Variants in SPECC1L observed in about 807,000 individuals in gnomAD.
SPECC1L encodes sperm antigen with calponin homology and coiled-coil domains 1 like, also known as cytospin-A.
Under a neutral mutation model 116.8 loss-of-function variants are expected in SPECC1L, and 40 were observed. That is an observed-to-expected ratio of 0.34 (90% CI 0.27 to 0.45). The LOEUF is 0.45. Ranked by LOEUF, SPECC1L falls within the 20% of genes least tolerant of loss-of-function variation. The pLI, the probability that SPECC1L is intolerant of heterozygous loss-of-function variation, is 1.00. For synonymous variants in SPECC1L, 504 were observed against 500.6 expected (o/e 1.01, Z -0.09); for missense variants, 1,110 against 1,373.6 (o/e 0.81, Z 3.03).
chr22:24,280,155 A>C (rs2048914137), intron 2 of SPECC1L, among the ~76,000 whole-genome samples: 1 of 152,138 alleles, frequency 6.6e-6, no homozygotes, highest in African/African-American at 2.4e-5. Context: ...TGCTTTGAGA[A>C]ATTGGAAATG....
rs2042351346 is a variant in SPECC1L at position 24,395,559 on chromosome 22, T to TA, written c.3088-16027dup. On this transcript the variant is annotated intron_variant, in intron 14 of 16. Transcript: ENST00000314328. Reference sequence around the variant, plus strand: ...ACAGAGGAAGAAGAGCAGATTTGTTTAAGAGACATTTTCATGGATTGCAAA... The same window carrying TA: ...ACAGAGGAAGAAGAGCAGATTTGTTTAAAGAGACATTTTCATGGATTGCAAA... 3.3e-5 allele frequency among the ~76,000 whole-genome samples: 5 copies of TA among 152,232 alleles called. No homozygotes were observed. In the South Asian group the frequency reaches 1.0e-3, roughly 32 times the overall value.
At chr22:24,385,969 C>A (rs1298095119) in intron 14 of SPECC1L, among the ~76,000 whole-genome samples, 1 of 152,146 alleles carries the variant, frequency 6.6e-6, no homozygotes, top group Admixed American at 6.6e-5. Context: ...ACAGTATATT[C>A]ATCAGAATTG....
At chr22:24,297,767 C>T (rs2049295954) in intron 2 of SPECC1L, among the ~76,000 whole-genome samples, 1 of 152,182 alleles carries the variant, frequency 6.6e-6, no homozygotes, top group African/African-American at 2.4e-5. Context: ...GTCTCATTGT[C>T]ACACCTGGAA....
chr22:24,394,069 T>C (rs756293545), intron 14 of SPECC1L, among the ~76,000 whole-genome samples: 6 of 152,226 alleles, frequency 3.9e-5, no homozygotes, highest in Non-Finnish European at 8.8e-5. Context: ...ACCACAATTA[T>C]TAAGCCATTC....
At chr22:24,411,777 G>A in intron 15 of SPECC1L, 73 bp downstream of exon 15, 2 of 1,230,818 alleles carry the variant, frequency 1.6e-6, no homozygotes, top group Non-Finnish European at 2.4e-6. Flanking sequence ...GGCAGCACCT[G>A]CCTCAGCAGG....
chr22:24,382,515 T>C (rs1393462601), intron 14 of SPECC1L, among the ~76,000 whole-genome samples: 1 of 151,832 alleles, frequency 6.6e-6, no homozygotes, highest in Non-Finnish European at 1.5e-5. Context: ...CCATCCTGGC[T>C]AACATGGTGA....
At chr22:24,370,375 T>A (rs560525592) in intron 14 of SPECC1L, among the ~76,000 whole-genome samples, 2 of 152,200 alleles carry the variant, frequency 1.3e-5, no homozygotes, top group African/African-American at 2.4e-5. Context: ...GAAAATAATT[T>A]AAAAAAAGAA....
chr22:24,338,156 T>A (rs564537003), intron 9 of SPECC1L, among the ~76,000 whole-genome samples: 250 of 152,308 alleles, frequency 1.6e-3, no homozygotes, highest in Admixed American at 5.6e-3. Context: ...TAACAAGGGT[T>A]AGAAATAAGC....
intron 3 of SPECC1L, among the ~76,000 whole-genome samples, chr22:24,305,894 C>G (rs5760327): frequency 0.039 from 5,863 of 152,044 alleles, 319 homozygotes; most frequent in South Asian, 0.12. Flanking sequence ...TGCATCGTTA[C>G]CAGTAAGATT....
At chr22:24,279,494 C>G (rs1304745257) in intron 2 of SPECC1L, among the ~76,000 whole-genome samples, 1 of 151,926 alleles carries the variant, frequency 6.6e-6, no homozygotes, top group African/African-American at 2.4e-5. Context: ...CTCCCAAATA[C>G]TGGGATTACA....
intron 14 of SPECC1L, among the ~76,000 whole-genome samples, chr22:24,394,432 G>A (rs75110868): frequency 0.028 from 4,283 of 152,248 alleles, 108 homozygotes; most frequent in African/African-American, 0.063. Flanking sequence ...CCTCATGACC[G>A]CATTACTTCC....
At position 24,415,622 on chromosome 22, in the gene SPECC1L, C is replaced by CA. The variant is rs1402243816; in HGVS notation, c.*1000dup. The CA allele has an allele frequency of 6.6e-6, 1 of 152,548 alleles. No homozygotes were observed. Among genetic ancestry groups the CA allele is most frequent in the East Asian group, 1.9e-4 (1 of 5,190 alleles). The allele number at this position is 152,548 out of a possible 1,614,324, so 9.4% of individuals were successfully genotyped here. On this transcript the variant is annotated 3_prime_UTR_variant, in exon 17 of 17. Transcript: ENST00000314328. Reference sequence around the variant, plus strand: ...GCAGTGTCATTTAAACTCACTGAGTCACTAAGACATAATTCTCCTAGGCCA... The same window carrying CA: ...GCAGTGTCATTTAAACTCACTGAGTCAACTAAGACATAATTCTCCTAGGCCA...
chr22:24,347,622 G>C (rs1184943644), intron 11 of SPECC1L, among the ~76,000 whole-genome samples: 5 of 152,096 alleles, frequency 3.3e-5, no homozygotes, highest in African/African-American at 1.2e-4. Context: ...TGAGACTCTG[G>C]AAGATGAGGG....
intron 11 of SPECC1L, among the ~76,000 whole-genome samples, chr22:24,352,830 C>T (rs1601595973): frequency 1.3e-5 from 2 of 152,266 alleles, no homozygotes; most frequent in East Asian, 3.9e-4. Flanking sequence ...TCAATCTCAG[C>T]TCTTATTTTC....
chr22:24,408,448 C>T (rs141283627), intron 14 of SPECC1L, among the ~76,000 whole-genome samples: 255 of 152,346 alleles, frequency 1.7e-3, no homozygotes, highest in African/African-American at 5.9e-3. Context: ...AGTGTGAGGA[C>T]TACAGACTGA....
chr22:24,314,402 T>C (rs186730718), intron 4 of SPECC1L, among the ~76,000 whole-genome samples: 2 of 152,374 alleles, frequency 1.3e-5, no homozygotes, highest in Admixed American at 6.5e-5. Context: ...GTCCTTGAAA[T>C]AACTGATAAT....
At chr22:24,329,001 C>A in intron 7 of SPECC1L, 82 bp downstream of exon 7, 1 of 1,081,914 alleles carries the variant, frequency 9.2e-7, no homozygotes, top group South Asian at 1.3e-5. Context: ...TGTTATCATT[C>A]ATCTTAAGTT....
chr22:24,358,114 G>GT (rs1569433796), intron 11 of SPECC1L, among the ~76,000 whole-genome samples: 26 of 142,462 alleles, frequency 1.8e-4, no homozygotes, highest in African/African-American at 5.6e-4. Flanking sequence ...TGTTTTTTTT[G>GT]GTTTTTTTTT....
chr22:24,411,831 G>A (rs1601373419), intron 15 of SPECC1L, 127 bp downstream of exon 15: 1 of 789,228 alleles, frequency 1.3e-6, no homozygotes. Flanking sequence ...GTGCCATCTG[G>A]GTCTTCTGGG....
Sources: allele counts gnomAD v4.1 joint callset (sites outside exome capture counted in the v4.1 genomes callset), GRCh38; gene constraint gnomAD v4.1.1; transcripts MANE v1.5; gene names NCBI Gene and HGNC (gene_info 2026-07-23, HGNC 2026-07-21).